Variants in ARHGEF12 observed in about 807,000 individuals in gnomAD.
ARHGEF12 encodes the protein KMT2A/ARHGEF12 fusion protein.
In ARHGEF12, 66 loss-of-function variants were observed where a neutral mutation model predicts 211.2. That is an observed-to-expected ratio of 0.31 (90% CI 0.26 to 0.38). The LOEUF is 0.38. ARHGEF12 is among the 10% of genes least tolerant of loss of function. The pLI, the probability that ARHGEF12 is intolerant of heterozygous loss-of-function variation, is 1.00. For missense variants in ARHGEF12, 1,429 were observed against 1,869.5 expected (o/e 0.76, Z 4.34); for synonymous variants, 592 against 638.4 (o/e 0.93, Z 1.09).
At chr11:120,428,278 C>A in intron 8 of ARHGEF12, 31 bp downstream of exon 8, 1 of 1,538,186 alleles carries the variant, frequency 6.5e-7, no homozygotes, top group Non-Finnish European at 8.8e-7. Context: ...TAGTTAAATG[C>A]TCAGTCTTAT....
chr11:120,378,724 G>T (rs1943798057), intron 1 of ARHGEF12, among the ~76,000 whole-genome samples: 1 of 152,194 alleles, frequency 6.6e-6, no homozygotes, highest in Admixed American at 6.5e-5. Context: ...TTGCAGAAAA[G>T]ACTGTCCTTT....
intron 23 of ARHGEF12, 40 bp downstream of exon 23, chr11:120,457,290 T>TAAAA (rs1206439932): frequency 1.2e-6 from 2 of 1,605,644 alleles, no homozygotes; most frequent in African/African-American, 2.7e-5. Context: ...GGGCATTACT[T>TAAAA]AAAGTTTTTA....
chr11:120,474,973 CT>C (rs984932446), intron 32 of ARHGEF12, among the ~76,000 whole-genome samples: 16 of 152,088 alleles, frequency 1.1e-4, no homozygotes, highest in Non-Finnish European at 2.4e-4. Context: ...GAAACAAGGT[CT>C]TTCTATGTTG....
At chr11:120,448,048 G>A in intron 19 of ARHGEF12, 142 bp downstream of exon 19, 2 of 789,242 alleles carry the variant, frequency 2.5e-6, no homozygotes, top group South Asian at 2.0e-5. Context: ...TATGTTATTT[G>A]ACTAATATTC....
intron 38 of ARHGEF12, among the ~76,000 whole-genome samples, chr11:120,480,675 A>G (rs1947206783): frequency 6.6e-6 from 1 of 152,192 alleles, no homozygotes; most frequent in African/African-American, 2.4e-5. Context: ...AAGCTAGGGG[A>G]AAGAAGGATG....
In ARHGEF12 at chr11:120,337,506, G is replaced by A. The variant is rs1036634106; in HGVS notation, c.32+231G>A. The A allele has an allele frequency of 4.1e-6, 4 of 985,334 alleles. No individual in the cohort carries two copies. In the African/African-American group the frequency reaches 5.2e-5, roughly 13 times the overall value. 61.0% of individuals were successfully genotyped at this position (985,334 alleles called of 1,614,324 possible). ...TCCCTTCCGATTCTCAGAGAAGGGGGAGGCAAAACCATGATTGTGGTTTTC... is the reference window on the plus strand; with the variant it reads ...TCCCTTCCGATTCTCAGAGAAGGGGAAGGCAAAACCATGATTGTGGTTTTC... On this transcript the variant is annotated intron_variant, in intron 1 of 40. Transcript: ENST00000397843.
rs1945722547 is a variant in ARHGEF12, at chr11:120,437,289, A to G, written c.925-19A>G. 1 of 1,576,298 alleles carries G rather than the reference A, an allele frequency of 6.3e-7. No homozygotes were observed. The highest frequency in any genetic ancestry group is 1.2e-5 in the South Asian group (1 of 86,652). ...GTGTGCCTATTGAAATGAACTGAAG[A>G]TCTTGTTTTTTTCATTAGAGTCCCA... is the stretch of plus-strand genomic sequence containing the variant. On this transcript the variant is annotated intron_variant, in intron 11 of 40. Transcript: ENST00000397843.
intron 4 of ARHGEF12, 76 bp downstream of exon 4, chr11:120,409,526 T>A: frequency 7.4e-7 from 1 of 1,357,412 alleles, no homozygotes; most frequent in Non-Finnish European, 1.0e-6. Flanking sequence ...CTTTTTTTCC[T>A]TTCTTTCTTT....
chr11:120,359,105 T>G (rs955029628), intron 1 of ARHGEF12, among the ~76,000 whole-genome samples: 2 of 152,130 alleles, frequency 1.3e-5, no homozygotes, highest in Non-Finnish European at 2.9e-5. Context: ...CCATTATAAC[T>G]TTTGTGAGCT....
At chr11:120,369,813 A>G (rs1383893539) in intron 1 of ARHGEF12, among the ~76,000 whole-genome samples, 1 of 152,240 alleles carries the variant, frequency 6.6e-6, no homozygotes, top group Non-Finnish European at 1.5e-5. Flanking sequence ...AGAAAATGAT[A>G]TACATCCATG....
chr11:120,489,087 T>G lies in ARHGEF12; in HGVS notation c.*4010T>G, dbSNP rs1443866787. ...TTGATTTGTCTTGTCCAAGTTATAT[T>G]AGAAAAGTTGAGGAGTCGAGGAGCC... On this transcript the variant is annotated 3_prime_UTR_variant, in exon 41 of 41. Coordinates refer to ENST00000397843, the MANE Select transcript of ARHGEF12 (RefSeq NM_015313.3). The G allele has an allele frequency of 4.5e-6, 1 of 222,698 alleles. No homozygotes were observed. Among genetic ancestry groups the G allele is most frequent in the Non-Finnish European group, 9.0e-6 (1 of 111,332 alleles). 13.8% of individuals were successfully genotyped at this position (222,698 alleles called of 1,614,324 possible).
intron 1 of ARHGEF12, among the ~76,000 whole-genome samples, chr11:120,347,437 C>G (rs772921987): frequency 6.6e-6 from 1 of 151,900 alleles, no homozygotes; most frequent in Admixed American, 6.6e-5. Context: ...TTAATGGCTC[C>G]AAGTCTTCTG....
At chr11:120,477,102 GTT>G in intron 34 of ARHGEF12, 115 bp from the exon 35 acceptor site, 2 of 702,022 alleles carry the variant, frequency 2.8e-6, no homozygotes, top group Non-Finnish European at 2.5e-6. Flanking sequence ...TGTTGTTGTT[GTT>G]GTTGTTGTTG....
In ARHGEF12 at chr11:120,337,169, G is replaced by A; in HGVS notation, c.-75G>A. The A allele has an allele frequency of 6.3e-7, 1 of 1,580,130 alleles. No individual in the cohort carries two copies. Among genetic ancestry groups the A allele is most frequent in the Non-Finnish European group, 8.7e-7 (1 of 1,149,268 alleles). ...TGACGGAGTTGGGCCTGATCCCAGA[G>A]CACTGGGGGTGGGGAGGAGGTGTTA... is the stretch of plus-strand genomic sequence containing the variant. On this transcript the variant is annotated 5_prime_UTR_variant, in exon 1 of 41. Transcript: ENST00000397843.
At chr11:120,350,669 G>C (rs1205569317) in intron 1 of ARHGEF12, among the ~76,000 whole-genome samples, 1 of 151,938 alleles carries the variant, frequency 6.6e-6, no homozygotes, top group Non-Finnish European at 1.5e-5. Flanking sequence ...TTATTTTTCA[G>C]TTTAGTTATA....
intron 39 of ARHGEF12, among the ~76,000 whole-genome samples, chr11:120,481,817 T>TG (rs1335793737): frequency 6.6e-6 from 1 of 151,258 alleles, no homozygotes; most frequent in African/African-American, 2.4e-5. Context: ...TAGAGTGCAG[T>TG]GGCGTGATCT....
chr11:120,459,076 A>G (rs1591619773), intron 25 of ARHGEF12, 98 bp from the exon 26 acceptor site: 1 of 939,956 alleles, frequency 1.1e-6, no homozygotes, highest in South Asian at 3.9e-5. Flanking sequence ...ATAATTTATT[A>G]TATAATTCAT....
Position 120,457,760 on chromosome 11 carries a change from A to C in ARHGEF12, c.2225+4A>C, listed in dbSNP as rs1401939122. ...GGACACCAAAGCCCTTTCGAAAGTA[A>C]GTAAATCTTAAGCAGCTTTCAATAA... On this transcript the variant is annotated splice_donor_region_variant and intron_variant, in intron 24 of 40. Transcript: ENST00000397843. 6.2e-7 allele frequency: 1 copy of C among 1,608,420 alleles called. No homozygotes were observed. Among genetic ancestry groups the C allele is most frequent in the African/African-American group, 1.3e-5 (1 of 74,788 alleles).
At chr11:120,456,151 C>G (rs914425789) in intron 22 of ARHGEF12, among the ~76,000 whole-genome samples, 5 of 152,084 alleles carry the variant, frequency 3.3e-5, no homozygotes, top group African/African-American at 1.2e-4. Flanking sequence ...ATAACCCTAC[C>G]AGGCAAGCAT....
Sources: allele counts gnomAD v4.1 joint callset (sites outside exome capture counted in the v4.1 genomes callset), GRCh38; gene constraint gnomAD v4.1.1; transcripts MANE v1.5; gene names NCBI Gene and HGNC (gene_info 2026-07-23, HGNC 2026-07-21).